The following MDN1 variants were observed in gnomAD, a reference collection of about 807,000 sequenced individuals.
MDN1 encodes midasin AAA ATPase 1, also known as midasin.
In MDN1, 266 loss-of-function variants were observed where a neutral mutation model predicts 669.2. The observed-to-expected ratio is 0.40, with a 90% confidence interval of 0.36 to 0.44. The LOEUF is 0.44. Ranked by LOEUF, MDN1 falls within the 20% of genes least tolerant of loss-of-function variation. The pLI, the probability that MDN1 is intolerant of heterozygous loss-of-function variation, is 1.00. For missense variants in MDN1, 5,940 were observed against 6,754.0 expected, an observed-to-expected ratio of 0.88 and a Z score of 4.22; for synonymous variants, 2,385 against 2,457.1, an observed-to-expected ratio of 0.97 and a Z score of 0.87.
chr6:89,670,170 A>ATTTTTTTTTTTTTTTT (rs766450069), intron 83 of MDN1, among the ~76,000 whole-genome samples: 1 of 23,414 alleles, frequency 4.3e-5, no homozygotes, highest in Non-Finnish European at 6.1e-5. Context: ...ATATATATAT[A>ATTTTTTTTTTTTTTTT]TTTTTTTTTT....
intron 83 of MDN1, among the ~76,000 whole-genome samples, chr6:89,670,168 A>T (rs1264372092): frequency 0.3 from 6,166 of 20,568 alleles, 619 homozygotes; most frequent in Non-Finnish European, 0.34. Context: ...ATATATATAT[A>T]TATTTTTTTT....
chr6:89,777,482 T>A (rs9362684), intron 11 of MDN1, among the ~76,000 whole-genome samples: 27,108 of 152,130 alleles, frequency 0.18, 2,466 homozygotes, highest in East Asian at 0.22. Flanking sequence ...TAATAGTCCC[T>A]TCCTAAAACT....
At chr6:89,763,178 A>G (rs920731664) in intron 15 of MDN1, among the ~76,000 whole-genome samples, 3 of 152,192 alleles carry the variant, frequency 2.0e-5, no homozygotes, top group African/African-American at 7.2e-5. Flanking sequence ...TATTTCATTA[A>G]GGTTGACCAA....
At chr6:89,789,759 G>T (rs758984001) in intron 7 of MDN1, 21 bp downstream of exon 7, 5 of 1,570,258 alleles carry the variant, frequency 3.2e-6, no homozygotes, top group Non-Finnish European at 4.3e-6. Flanking sequence ...AAGGGACAAT[G>T]AATTTCCTGA....
intron 2 of MDN1, among the ~76,000 whole-genome samples, chr6:89,802,350 T>C (rs1053770511): frequency 6.6e-6 from 1 of 152,222 alleles, no homozygotes; most frequent in African/African-American, 2.4e-5. Context: ...AGTGTATTTA[T>C]TGCATTGATG....
chr6:89,748,549 G>C (rs900763727), intron 26 of MDN1, among the ~76,000 whole-genome samples: 1 of 152,076 alleles, frequency 6.6e-6, no homozygotes, highest in Admixed American at 6.6e-5. Flanking sequence ...ACAAAGAATG[G>C]ATCTCTTTAA....
In MDN1 at chr6:89,776,491, G is replaced by A. The variant is rs1353617178; in HGVS notation, c.1821+109C>T. 8.2e-6 allele frequency: 6 copies of A among 734,150 alleles called. No homozygotes were observed. In the East Asian group the frequency reaches 1.6e-4, roughly 20 times the overall value. 45.5% of individuals were successfully genotyped at this position (734,150 alleles called of 1,614,324 possible). ...AATAAAAGCACCAACTTTTACAAAA[G>A]AGGTACCACTGCAAAAGCTGTTCCA... On this transcript the variant is annotated intron_variant, in intron 12 of 101. Coordinates refer to ENST00000369393, the MANE Select transcript of MDN1 (RefSeq NM_014611.3).
chr6:89,709,462 G>A (rs979610381), intron 50 of MDN1, among the ~76,000 whole-genome samples: 5 of 152,208 alleles, frequency 3.3e-5, no homozygotes, highest in African/African-American at 1.2e-4. Flanking sequence ...GAAAATGAAA[G>A]CTGCTACTGT....
chr6:89,733,632 CA>C (rs200834077), intron 33 of MDN1, among the ~76,000 whole-genome samples: 26,765 of 122,870 alleles, frequency 0.22, 2,372 homozygotes, highest in East Asian at 0.26. Context: ...ATACTGATTA[CA>C]AAAAAAAAAA....
chr6:89,779,959 G>C lies in MDN1; in HGVS notation c.1725+253C>G, dbSNP rs572464156. On this transcript the variant is annotated intron_variant, in intron 11 of 101. Transcript: ENST00000369393. ...CAGGTGCCTGTAACCCCAGCTACTC[G>C]GGAGGCTGAGGCAAGAGAATCGCTT... Among the ~76,000 whole-genome samples, 9 of 152,064 alleles carry C rather than the reference G, an allele frequency of 5.9e-5. No individual in the cohort carries two copies. The South Asian group carries it at 1.9e-3, about 32-fold the overall frequency.
At position 89,714,564 on chromosome 6, in the gene MDN1, C is replaced by G. The variant is rs780874584; in HGVS notation, c.7048G>C (p.Glu2350Gln). 2 of 1,610,936 alleles carry G rather than the reference C, an allele frequency of 1.2e-6. No individual in the cohort carries two copies. Among genetic ancestry groups the G allele is most frequent in the Admixed American group, 1.7e-5 (1 of 59,610 alleles). ...VCDILLALHTETRSTVVGSPT... is the reference protein window; with the variant it reads ...VCDILLALHTQTRSTVVGSPT... ...TCACCTACAACAGTGCTCCGGGTCT[C>G]TGTGTGTAAAGCCAAGAGGATGTCA... The change falls in exon 46 of 102, where the codon GAG becomes CAG. Residue 2350 changes from glutamate (E) to glutamine (Q), a missense_variant. By Grantham distance (29) the Glu-to-Gln change is conservative. This residue lies in a region of MDN1 where 2,292 missense variants were observed against 2,638.3 expected (regional missense o/e 0.87). Coordinates refer to ENST00000369393, the MANE Select transcript of MDN1 (RefSeq NM_014611.3).
chr6:89,776,254 G>A (rs1015512679), intron 12 of MDN1, among the ~76,000 whole-genome samples: 1 of 151,998 alleles, frequency 6.6e-6, no homozygotes, highest in African/African-American at 2.4e-5. Flanking sequence ...CTGAGGTCAG[G>A]AGTTTGAGAC....
chr6:89,759,532 G>C (rs1817425887), intron 17 of MDN1, among the ~76,000 whole-genome samples: 1 of 152,178 alleles, frequency 6.6e-6, no homozygotes, highest in Non-Finnish European at 1.5e-5. Flanking sequence ...GGGAGGCTGA[G>C]GTGGGCGGAT....
At chr6:89,699,953 G>A in intron 57 of MDN1, 110 bp downstream of exon 57, 1 of 1,180,196 alleles carries the variant, frequency 8.5e-7, no homozygotes, top group Non-Finnish European at 1.2e-6. Context: ...ACTTCCCTCT[G>A]CTTCGGTAAC....
At chr6:89,782,279 A>G (rs1003765179) in intron 9 of MDN1, among the ~76,000 whole-genome samples, 1 of 152,358 alleles carries the variant, frequency 6.6e-6, no homozygotes, top group Admixed American at 6.5e-5. Flanking sequence ...TGGTAAGGCC[A>G]TTATGTAATT....
At chr6:89,706,843 TGAAA>T (rs1275215952) in intron 52 of MDN1, among the ~76,000 whole-genome samples, 36 of 152,190 alleles carry the variant, frequency 2.4e-4, no homozygotes, top group African/African-American at 8.2e-4. Flanking sequence ...AAAACATAAA[TGAAA>T]CTATTACTAA....
Position 89,803,495 on chromosome 6 carries a change from A to T in MDN1, c.162T>A (p.Asp54Glu). 1 of 1,614,142 alleles carries T rather than the reference A, an allele frequency of 6.2e-7. No homozygotes were observed. The highest frequency in any genetic ancestry group is 1.7e-5 in the Admixed American group (1 of 59,994). ...VLSTLAQLLL[D>E]KDCTVLVGRQ... Reference sequence around the variant, plus strand: ...GACCAACCAGCACAGTACAGTCCTTATCCAAAAGCAACTGTGCTAAGGTAC... The same window carrying T: ...GACCAACCAGCACAGTACAGTCCTTTTCCAAAAGCAACTGTGCTAAGGTAC... The change falls in exon 2 of 102, where the codon GAT becomes GAA. Residue 54 changes from aspartate (D) to glutamate (E), a missense_variant. Physicochemically the swap from Asp to Glu is conservative, Grantham distance 45 (BLOSUM62 2). Around this residue, in one of 5 missense-constraint regions of MDN1, gnomAD observed 1,203 missense variants for 1,268.9 expected, o/e 0.95. Coordinates refer to ENST00000369393, the MANE Select transcript of MDN1 (RefSeq NM_014611.3).
rs190261095 is a variant in MDN1 at position 89,654,056 on chromosome 6, C to T, written c.15661+108G>A. 481 of 1,272,940 alleles carry T rather than the reference C, an allele frequency of 3.8e-4. 1 individual carries two copies. The highest frequency in any genetic ancestry group is 4.7e-4 in the Non-Finnish European group (436 of 924,464). The allele number at this position is 1,272,940 out of a possible 1,614,324, so 78.9% of individuals were successfully genotyped here. A position where few individuals can be genotyped will look rare whatever the true frequency, so the allele number is the denominator to read the frequency against. On this transcript the variant is annotated intron_variant, in intron 93 of 101. Coordinates refer to ENST00000369393, the MANE Select transcript of MDN1 (RefSeq NM_014611.3). ...ATTATAGGCAATTCATTCATCTAAG[C>T]CATGGATTAGGACATGGAACTGAAC...
At chr6:89,795,943 A>G (rs1819569210) in intron 2 of MDN1, among the ~76,000 whole-genome samples, 4 of 152,112 alleles carry the variant, frequency 2.6e-5, no homozygotes, top group African/African-American at 9.7e-5. Context: ...CGACACAGTG[A>G]GATTCCGTCT....
Sources: gnomAD v4.1 joint callset for allele counts (sites outside exome capture counted in the v4.1 genomes callset) on GRCh38, gnomAD v4.1.1 for gene constraint, gnomAD v4.1.1 regional missense constraint, MANE v1.5 for transcripts, NCBI Gene and HGNC (gene_info 2026-07-23, HGNC 2026-07-21) for gene names.